CENPP: variants seen among roughly 807,000 people sequenced by gnomAD.
CENPP encodes centromere protein P.
In CENPP, 24 loss-of-function variants were observed where a neutral mutation model predicts 35.6. The observed-to-expected ratio is 0.67, with a 90% CI of 0.49 to 0.95. The LOEUF is 0.95. Ranked by LOEUF, CENPP falls within the 40% of genes least tolerant of loss-of-function variation. CENPP has a pLI of 0.00. For synonymous variants in CENPP, 120 were observed against 125.5 expected, an observed-to-expected ratio of 0.96 and a Z score of 0.29; for missense variants, 332 against 345.3, an observed-to-expected ratio of 0.96 and a Z score of 0.31.
intron 4 of CENPP, among the ~76,000 whole-genome samples, chr9:92,370,811 T>A (rs1841989561): frequency 6.6e-6 from 1 of 152,202 alleles, no homozygotes; most frequent in African/African-American, 2.4e-5. Context: ...ATCTCACTAC[T>A]CATTATGTTC....
chr9:92,454,058 A>G (rs7022562), intron 5 of CENPP, among the ~76,000 whole-genome samples: 61,544 of 152,120 alleles, frequency 0.4, 14,552 homozygotes, highest in African/African-American at 0.65. Context: ...CATAAACCCA[A>G]TAAATAGTAA....
chr9:92,549,476 G>A (rs1364086473), intron 5 of CENPP, among the ~76,000 whole-genome samples: 2 of 152,106 alleles, frequency 1.3e-5, no homozygotes, highest in South Asian at 2.1e-4. Context: ...GTGAAACACC[G>A]TCTGTACTAA....
At chr9:92,485,234 AT>A (rs1251247660) in intron 5 of CENPP, among the ~76,000 whole-genome samples, 4 of 152,124 alleles carry the variant, frequency 2.6e-5, no homozygotes, top group Non-Finnish European at 5.9e-5. Flanking sequence ...AAAATCTTCC[AT>A]TTTTGTTTCC....
At chr9:92,493,973 G>A in intron 5 of CENPP, 1 of 1,013,560 alleles carries the variant, frequency 9.9e-7, no homozygotes, top group Non-Finnish European at 1.4e-6. Context: ...GGTGGCCGTA[G>A]TCTCCTGGCG....
chr9:92,452,292 A>C (rs1203514324), intron 5 of CENPP, among the ~76,000 whole-genome samples: 1 of 152,058 alleles, frequency 6.6e-6, no homozygotes, highest in Admixed American at 6.5e-5. Flanking sequence ...TAATTTATTG[A>C]GAGTTTTTAG....
chr9:92,464,993 T>C, intron 5 of CENPP: 1 of 1,613,978 alleles, frequency 6.2e-7, no homozygotes, highest in South Asian at 1.1e-5. Flanking sequence ...TGCCCCTGGC[T>C]CTATCCCATT....
At chr9:92,385,836 C>T in intron 5 of CENPP, 2 of 1,587,722 alleles carry the variant, frequency 1.3e-6, no homozygotes, top group Non-Finnish European at 1.7e-6. Context: ...TGAAATCAAC[C>T]TTTCATATGC....
intron 5 of CENPP, chr9:92,500,722 T>G: frequency 6.3e-7 from 1 of 1,595,818 alleles, no homozygotes; most frequent in Non-Finnish European, 8.6e-7. Flanking sequence ...AAAGCCAAAA[T>G]TTACCGTATC....
chr9:92,434,126 C>T (rs1363477016), intron 5 of CENPP, among the ~76,000 whole-genome samples: 2 of 151,964 alleles, frequency 1.3e-5, no homozygotes, highest in African/African-American at 2.4e-5. Context: ...CGCGGTGGCT[C>T]ACGCCTGTAA....
chr9:92,415,064 TTACTTTGAGTAA>T, intron 5 of CENPP: 1 of 995,582 alleles, frequency 1.0e-6, no homozygotes, highest in Admixed American at 3.1e-5. Flanking sequence ...TCTAAATATA[TTACTTTGAGTAA>T]TACATGTTTA....
intron 5 of CENPP, among the ~76,000 whole-genome samples, chr9:92,478,704 C>T (rs924252777): frequency 5.9e-5 from 9 of 152,100 alleles, no homozygotes; most frequent in Admixed American, 5.2e-4. Flanking sequence ...CCACCCATCT[C>T]GGCCTCCCAA....
At chr9:92,580,264 T>C (rs1466309498) in intron 5 of CENPP, among the ~76,000 whole-genome samples, 2 of 152,150 alleles carry the variant, frequency 1.3e-5, no homozygotes, top group African/African-American at 4.8e-5. Context: ...TAAAATTCTC[T>C]TTTTTGGTTG....
At chr9:92,453,570 T>C (rs1844781079) in intron 5 of CENPP, among the ~76,000 whole-genome samples, 1 of 152,180 alleles carries the variant, frequency 6.6e-6, no homozygotes, top group Non-Finnish European at 1.5e-5. Context: ...AAAAAAAGTA[T>C]ATTCTGTTGA....
chr9:92,371,479 T>A (rs1842002685), intron 4 of CENPP, among the ~76,000 whole-genome samples: 3 of 152,182 alleles, frequency 2.0e-5, no homozygotes, highest in Non-Finnish European at 4.4e-5. Context: ...AGAAGACACA[T>A]GCTATGATTT....
chr9:92,420,046 C>G (rs950864925), intron 5 of CENPP, among the ~76,000 whole-genome samples: 1 of 152,104 alleles, frequency 6.6e-6, no homozygotes, highest in Non-Finnish European at 1.5e-5. Context: ...GAGTCAGAGA[C>G]CCTTGAGCTC....
At chr9:92,360,067 A>C (rs1005466670) in intron 4 of CENPP, among the ~76,000 whole-genome samples, 1 of 152,154 alleles carries the variant, frequency 6.6e-6, no homozygotes, top group Non-Finnish European at 1.5e-5. Flanking sequence ...GAGAGATGGA[A>C]TTCTGGTACT....
At chr9:92,377,891 T>C (rs543081674) in intron 4 of CENPP, among the ~76,000 whole-genome samples, 4 of 151,964 alleles carry the variant, frequency 2.6e-5, no homozygotes, top group South Asian at 4.2e-4. Context: ...GTTCGTTTTA[T>C]GTAGGGGTTA....
chr9:92,412,942 A>G (rs1588111752), intron 5 of CENPP, among the ~76,000 whole-genome samples: 3 of 138,710 alleles, frequency 2.2e-5, no homozygotes, highest in African/African-American at 5.3e-5. Context: ...GTATATAGTT[A>G]GGAATGGAAT....
At chr9:92,448,786 A>C (rs1266921315) in intron 5 of CENPP, among the ~76,000 whole-genome samples, 1 of 152,040 alleles carries the variant, frequency 6.6e-6, no homozygotes, top group East Asian at 1.9e-4. Flanking sequence ...CTATGTCTAC[A>C]CCTTAGCAGA....
Sources: gnomAD v4.1 joint callset for allele counts (sites outside exome capture counted in the v4.1 genomes callset) on GRCh38, gnomAD v4.1.1 for gene constraint, MANE v1.5 for transcripts, NCBI Gene and HGNC (gene_info 2026-07-23, HGNC 2026-07-21) for gene names.